The following GOLGA3 variants were observed in gnomAD, a reference collection of about 807,000 sequenced individuals.
The protein encoded by GOLGA3 is golgin subfamily A member 3.
A neutral mutation model predicts 169.4 loss-of-function variants in GOLGA3; 75 were observed. The ratio of observed to expected loss-of-function variants is 0.44; its 90% CI spans 0.37 to 0.54. The LOEUF is 0.54. Among genes scored for constraint, GOLGA3 ranks in the 20% least tolerant of loss-of-function variants. The pLI is 0.00. For synonymous variants in GOLGA3, 824 were observed against 822.4 expected (o/e 1.00, Z -0.03); for missense variants, 1,899 against 1,930.0 (o/e 0.98, Z 0.30).
chr12:132,825,975 A>G, intron 1 of GOLGA3: 1 of 1,000,024 alleles, frequency 1.0e-6, no homozygotes, highest in Non-Finnish European at 1.6e-6. Flanking sequence ...CGCCGAGACT[A>G]CCTGCACTAC....
At chr12:132,828,929 T>C (rs1375679369), upstream of GOLGA3, 2 of 152,270 alleles carry the variant, frequency 1.3e-5, no homozygotes, top group African/African-American at 4.8e-5. Flanking sequence ...CGCGCTACTT[T>C]CGTTCCGGAA....
rs139884074 is a variant in GOLGA3, at chr12:132,808,732, C to T, written c.520-183G>A. Among the ~76,000 whole-genome samples the T allele has an allele frequency of 1.1e-3, 166 of 152,270 alleles. 1 individual carries two copies. Among genetic ancestry groups the T allele is most frequent in the African/African-American group, 3.8e-3 (158 of 41,556 alleles). ...CTCCGATCCGTGGTGGTCTCACTGC[C>T]GCAAGGCCCCACTCTAGTGACCAGC... On this transcript the variant is annotated intron_variant, in intron 4 of 23. Coordinates refer to ENST00000450791, the MANE Select transcript of GOLGA3 (RefSeq NM_001389683.1).
chr12:132,791,759 ATCTG>A (rs2046248153), intron 11 of GOLGA3, among the ~76,000 whole-genome samples: 1 of 126,862 alleles, frequency 7.9e-6, no homozygotes, highest in African/African-American at 2.9e-5. Flanking sequence ...GAGGGGCCAC[ATCTG>A]CAGAGATGTT....
In GOLGA3 at chr12:132,804,737, T is replaced by C. The variant is rs1949306176; in HGVS notation, c.1576A>G (p.Met526Val). The C allele has an allele frequency of 6.2e-7, 1 of 1,613,574 alleles. No homozygotes were observed. Among genetic ancestry groups the C allele is most frequent in the Non-Finnish European group, 8.5e-7 (1 of 1,179,516 alleles). ...MAKVEDMQRS[M>V]LSKDNTVHDL... The stretch of plus-strand genomic sequence containing the variant: ...TCACCTGTGTTGTCCTTGCTGAGCA[T>C]GCTCCTCTGCATGTCCTCTACCTTG... The change falls in exon 7 of 24, where the codon ATG becomes GTG. Residue 526 changes from methionine to valine, a missense_variant. Coordinates refer to ENST00000450791, the MANE Select transcript of GOLGA3 (RefSeq NM_001389683.1). This position sits in a 1 kb window ranked among gnomAD's most constrained non-coding sequence, Gnocchi z 4.1.
At chr12:132,806,403 G>A (rs759378897) in intron 6 of GOLGA3, among the ~76,000 whole-genome samples, 13 of 152,220 alleles carry the variant, frequency 8.5e-5, no homozygotes, top group Non-Finnish European at 1.6e-4. Context: ...CAAAACAGCC[G>A]AAATCACCTC....
rs369512946 is a variant in GOLGA3, at chr12:132,789,061, T to C, written c.2777A>G (p.Gln926Arg). 6.3e-7 allele frequency: 1 copy of C among 1,598,464 alleles called. No homozygotes were observed. Among genetic ancestry groups the C allele is most frequent in the African/African-American group, 1.3e-5 (1 of 74,362 alleles). Residue 926 changes from glutamine to arginine, a missense_variant, in exon 13 of 24, where the codon CAG (glutamine) becomes CGG (arginine). Transcript: ENST00000450791. The stretch of plus-strand genomic sequence containing the variant: ...TGTTTCCATCTCGTCTCGCTCCTTC[T>C]GCGCCGACTGGAGATGCCCTTCAAG... ...ADLEGHLQSA[Q>R]KERDEMETHL...
intron 3 of GOLGA3, among the ~76,000 whole-genome samples, chr12:132,814,677 G>A (rs1391084331): frequency 6.6e-6 from 1 of 152,218 alleles, no homozygotes; most frequent in Non-Finnish European, 1.5e-5. Flanking sequence ...CTCACTGCAG[G>A]GTAAATGCTG....
chr12:132,804,684 G>A lies in GOLGA3; in HGVS notation c.1597+32C>T. 6 of 1,553,880 alleles carry A rather than the reference G, an allele frequency of 3.9e-6. No individual in the cohort carries two copies. Among genetic ancestry groups the A allele is most frequent in the Non-Finnish European group, 5.3e-6 (6 of 1,133,238 alleles). On this transcript the variant is annotated intron_variant, in intron 7 of 23. Coordinates refer to ENST00000450791, the MANE Select transcript of GOLGA3 (RefSeq NM_001389683.1). The surrounding 1 kb of genome is among the most constrained non-coding windows in gnomAD (Gnocchi z 4.1). ...GGAGGGAGCAGCAGGGACCAGTCAG[G>A]GAGGGGAGGGCGTGGCCAGGGCCAG...
rs1024670044 is a variant in GOLGA3 at position 132,777,485 on chromosome 12, G to A, written c.3722+181C>T. On this transcript the variant is annotated intron_variant, in intron 19 of 23. Coordinates refer to ENST00000450791, the MANE Select transcript of GOLGA3 (RefSeq NM_001389683.1). The surrounding 1 kb of genome is among the most constrained non-coding windows in gnomAD (Gnocchi z 4.7). ...TTCTCTCTTGGGGGGAGGACACGGG[G>A]CAGTGAGTGAGGCTCAGGATTCTGG... Among the ~76,000 whole-genome samples the A allele has an allele frequency of 6.6e-6, 1 of 152,238 alleles. No homozygotes were observed. The highest frequency in any genetic ancestry group is 2.4e-5 in the African/African-American group (1 of 41,462).
rs748833425 is a variant in GOLGA3 at position 132,807,216 on chromosome 12, G to A, written c.1251C>T (p.Leu417=). 4.4e-6 allele frequency: 7 copies of A among 1,606,118 alleles called. No individual in the cohort carries two copies. The highest frequency in any genetic ancestry group is 2.2e-5 in the South Asian group (2 of 89,304). Residue 417 remains leucine, a synonymous_variant, in exon 6 of 24, where the codon CTC becomes CTT. Transcript: ENST00000450791. ...MLQVLKEKMR[L]EGQLEALSLE... is the part of the protein sequence containing the mutation. ...GTGACAAGGCTTCCAGCTGTCCTTC[G>A]AGTCGCATTTTCTCTTTGAGCACCT... is the stretch of plus-strand genomic sequence containing the variant.
intron 13 of GOLGA3, among the ~76,000 whole-genome samples, chr12:132,787,485 C>A (rs1446790437): frequency 6.7e-6 from 1 of 148,848 alleles, no homozygotes; most frequent in African/African-American, 2.5e-5. Context: ...CCCCAAGAGC[C>A]CCCGGGAACC....
Position 132,787,637 on chromosome 12 carries a change from ACCACGGG to A in GOLGA3, c.2812-857_2812-851del, listed in dbSNP as rs1287066202. On this transcript the variant is annotated intron_variant, in intron 13 of 23. Coordinates refer to ENST00000450791, the MANE Select transcript of GOLGA3 (RefSeq NM_001389683.1). ...GAGACCCCGGGACCCCTCCCCGGAG[ACCACGGG>A]ACCCCTCCCCGGAGACCCCGGGACC... Among the ~76,000 whole-genome samples the A allele has an allele frequency of 3.0e-3, 175 of 58,790 alleles. 11 individuals are homozygous for A. The highest frequency in any genetic ancestry group is 0.012 in the East Asian group (26 of 2,184). 38.6% of individuals were successfully genotyped at this position (58,790 alleles called of 152,430 possible).
intron 3 of GOLGA3, among the ~76,000 whole-genome samples, chr12:132,813,747 T>C (rs1593366705): frequency 8.0e-6 from 1 of 125,084 alleles, no homozygotes. Flanking sequence ...TTTTTTGAGA[T>C]GGAGTCTCAC....
chr12:132,822,554 T>C (rs922665690), intron 1 of GOLGA3, among the ~76,000 whole-genome samples: 1 of 152,226 alleles, frequency 6.6e-6, no homozygotes, highest in African/African-American at 2.4e-5. Flanking sequence ...TAAAGAACAT[T>C]CTGCTGGGAC....
rs936258218 is a variant in GOLGA3, at chr12:132,772,797, C to G, written c.*308G>C. 1.6e-5 allele frequency: 4 copies of G among 255,764 alleles called. No homozygotes were observed. Among genetic ancestry groups the G allele is most frequent in the Non-Finnish European group, 3.0e-5 (4 of 133,028 alleles). 15.8% of individuals were successfully genotyped at this position (255,764 alleles called of 1,614,324 possible). On this transcript the variant is annotated 3_prime_UTR_variant, in exon 24 of 24. Coordinates refer to ENST00000450791, the MANE Select transcript of GOLGA3 (RefSeq NM_001389683.1). ...AGTTACGCAGCCTCTCCCTGTCACCCGCAGAGAGCAGCATCGGTGGCCGCT... is the reference window on the plus strand; with the variant it reads ...AGTTACGCAGCCTCTCCCTGTCACCGGCAGAGAGCAGCATCGGTGGCCGCT...
intron 9 of GOLGA3, among the ~76,000 whole-genome samples, chr12:132,797,736 G>A (rs1948923905): frequency 6.6e-6 from 1 of 152,192 alleles, no homozygotes; most frequent in African/African-American, 2.4e-5. Context: ...ATGCGGCTCA[G>A]AGAGGTAAGA....
chr12:132,807,919 G>C lies in GOLGA3; in HGVS notation c.1150C>G (p.Arg384Gly). The change falls in exon 5 of 24, where the codon CGG (arginine) becomes GGG (glycine). Residue 384 changes from arginine to glycine, a missense_variant. Coordinates refer to ENST00000450791, the MANE Select transcript of GOLGA3 (RefSeq NM_001389683.1). ...CTGCAGATGCTGTCTCTCCGACTCCGCACCTCCCCGTTGACCTCCTGCCCC... is the reference window on the plus strand; with the variant it reads ...CTGCAGATGCTGTCTCTCCGACTCCCCACCTCCCCGTTGACCTCCTGCCCC... ...DQGQEVNGEV[R>G]SRRDSICSSV... is the part of the protein sequence containing the mutation. The C allele has an allele frequency of 1.4e-6, 2 of 1,425,396 alleles. No individual in the cohort carries two copies. The highest frequency in any genetic ancestry group is 3.9e-5 in the East Asian group (1 of 25,800). 88.3% of individuals were successfully genotyped at this position (1,425,396 alleles called of 1,614,324 possible).
chr12:132,796,095 G>A lies in GOLGA3; in HGVS notation c.2226C>T (p.Ala742=), dbSNP rs1566102066. 6.2e-6 allele frequency: 10 copies of A among 1,613,062 alleles called. No homozygotes were observed. Among genetic ancestry groups the A allele is most frequent in the Non-Finnish European group, 8.5e-6 (10 of 1,179,900 alleles). ...GCAGCTCATCGTAGTGTGTCTGCAG[G>A]GCATCGAGGGACTGCTCCCTGCTCT... is the stretch of plus-strand genomic sequence containing the variant. ...ALQSREQSLD[A]LQTHYDELQA... The change falls in exon 11 of 24, where the codon GCC becomes GCT. Residue 742 remains alanine (A), a synonymous_variant. Coordinates refer to ENST00000450791, the MANE Select transcript of GOLGA3 (RefSeq NM_001389683.1).
At chr12:132,829,040 C>T (rs1950538515), upstream of GOLGA3, among the ~76,000 whole-genome samples, 1 of 152,270 alleles carries the variant, frequency 6.6e-6, no homozygotes, top group Non-Finnish European at 1.5e-5. Flanking sequence ...ATGAGGCCGC[C>T]TTCAGAAAGT....
Sources: allele counts gnomAD v4.1 joint callset (sites outside exome capture counted in the v4.1 genomes callset), GRCh38; gene constraint gnomAD v4.1.1; non-coding constraint Gnocchi (gnomAD v3.1); transcripts MANE v1.5; gene names NCBI Gene and HGNC (gene_info 2026-07-23, HGNC 2026-07-21).